DDX46: variants seen among roughly 807,000 people sequenced by gnomAD.
DDX46 encodes the protein DEAD-box helicase 46.
DDX46 carries 30 observed loss-of-function variants against 134.9 expected under a neutral mutation model. The observed-to-expected ratio is 0.22, with a 90% CI of 0.17 to 0.30. DDX46 has a LOEUF of 0.30. Ranked by LOEUF, DDX46 falls within the 10% of genes least tolerant of loss-of-function variation. DDX46 has a pLI of 1.00. For missense variants in DDX46, 622 were observed against 1,248.7 expected (o/e 0.50, Z 7.56); for synonymous variants, 415 against 404.1 (o/e 1.03, Z -0.32).
In DDX46 at chr5:134,788,518, T is replaced by G. The variant is rs1754409705; in HGVS notation, c.1470T>G (p.Ala490=). Residue 490 remains alanine, a synonymous_variant, in exon 12 of 23, where the codon GCT becomes GCG. Transcript: ENST00000452510. ...AGTTTCATCTTTTTTATTAGATTGCTGAGCTGAAAAGAGGTGCTGAAATTA... is the reference window on the plus strand; with the variant it reads ...AGTTTCATCTTTTTTATTAGATTGCGGAGCTGAAAAGAGGTGCTGAAATTA... ...YGGTGISEQI[A]ELKRGAEIIV... 1 of 1,613,466 alleles carries G rather than the reference T, an allele frequency of 6.2e-7. No homozygotes were observed. Among genetic ancestry groups the G allele is most frequent in the African/African-American group, 1.3e-5 (1 of 75,034 alleles).
At chr5:134,777,912 A>G (rs1753997595) in intron 6 of DDX46, 187 bp downstream of exon 6, 1 of 577,184 alleles carries the variant, frequency 1.7e-6, no homozygotes, top group Admixed American at 3.9e-5. Context: ...GTGTTCTTTC[A>G]AAAGTCACTC....
chr5:134,782,304 G>A (rs1313099369), intron 8 of DDX46, among the ~76,000 whole-genome samples: 2 of 152,018 alleles, frequency 1.3e-5, no homozygotes, highest in Admixed American at 6.6e-5. Flanking sequence ...TCAGAAGTTC[G>A]AGACCAGCCT....
intron 22 of DDX46, among the ~76,000 whole-genome samples, chr5:134,828,333 T>C (rs1755644537): frequency 6.6e-6 from 1 of 152,196 alleles, no homozygotes; most frequent in Non-Finnish European, 1.5e-5. Flanking sequence ...TGTTAAATCA[T>C]GTGCTTAATA....
intron 6 of DDX46, among the ~76,000 whole-genome samples, chr5:134,780,564 C>CAATAAATAAATAAATAAATAAATA (rs10655595): frequency 7.0e-6 from 1 of 142,308 alleles, no homozygotes; most frequent in Non-Finnish European, 1.5e-5. Flanking sequence ...AACTTTATCT[C>CAATAAATAAATAAATAAATAAATA]AATAAATAAA....
intron 4 of DDX46, among the ~76,000 whole-genome samples, chr5:134,771,450 T>C (rs1408887510): frequency 1.5e-5 from 2 of 135,162 alleles, no homozygotes; most frequent in African/African-American, 5.5e-5. Flanking sequence ...CCCAGCACTT[T>C]GGGAGGCCGA....
intron 2 of DDX46, among the ~76,000 whole-genome samples, chr5:134,765,497 G>A (rs1258610930): frequency 1.3e-5 from 2 of 151,876 alleles, no homozygotes; most frequent in Admixed American, 6.6e-5. Context: ...AGGTTGTAGT[G>A]AGCCGACATG....
intron 17 of DDX46, 141 bp from the exon 18 acceptor site, chr5:134,811,555 A>T: frequency 8.9e-7 from 1 of 1,128,398 alleles, no homozygotes; most frequent in South Asian, 1.7e-5. Context: ...GTCTATGTAG[A>T]GCTCTTAGTT....
chr5:134,830,814 T>C lies in DDX46; in HGVS notation c.*2108T>C, dbSNP rs527640613. On this transcript the variant is annotated 3_prime_UTR_variant, in exon 23 of 23. Coordinates refer to ENST00000452510, the MANE Select transcript of DDX46 (RefSeq NM_001300860.2). ...TTTGCTCATCTTTATCACCTAATGGTAGTTTGTTTTCTTTGGTAGAGTATA... is the reference window on the plus strand; with the variant it reads ...TTTGCTCATCTTTATCACCTAATGGCAGTTTGTTTTCTTTGGTAGAGTATA... The C allele has an allele frequency of 2.7e-4, 41 of 152,706 alleles. No homozygotes were observed. Among genetic ancestry groups the C allele is most frequent in the African/African-American group, 9.6e-4 (40 of 41,562 alleles). The allele number at this position is 152,706 out of a possible 1,614,324, so 9.5% of individuals were successfully genotyped here.
chr5:134,799,610 TGC>T, intron 15 of DDX46, among the ~76,000 whole-genome samples: 1 of 151,986 alleles, frequency 6.6e-6, no homozygotes, highest in Non-Finnish European at 1.5e-5. Flanking sequence ...TGGTGGCAGG[TGC>T]CTGTAATCCC....
At chr5:134,783,943 C>G (rs1226024393) in intron 9 of DDX46, among the ~76,000 whole-genome samples, 1 of 151,558 alleles carries the variant, frequency 6.6e-6, no homozygotes, top group Non-Finnish European at 1.5e-5. Context: ...TCTCAGCCTC[C>G]CAGAATGCTG....
At position 134,816,753 on chromosome 5, in the gene DDX46, T is replaced by C. The variant is rs114449706; in HGVS notation, c.2613+147T>C. 1.0e-3 allele frequency: 819 copies of C among 795,214 alleles called. 5 individuals are homozygous for C. In the African/African-American group the frequency reaches 0.012, roughly 12 times the overall value. 49.3% of individuals were successfully genotyped at this position (795,214 alleles called of 1,614,324 possible). The stretch of plus-strand genomic sequence containing the variant: ...ACATTCTCAATACAGAATTTTTTGA[T>C]AATTGCATTTGGATGATTTCTCAGT... On this transcript the variant is annotated intron_variant, in intron 19 of 22. Transcript: ENST00000452510.
At chr5:134,781,860 C>A in intron 7 of DDX46, 61 bp from the exon 8 acceptor site, 1 of 1,475,998 alleles carries the variant, frequency 6.8e-7, no homozygotes, top group Non-Finnish European at 9.2e-7. Context: ...AGGAGTATTG[C>A]TTCCCACAAG....
At chr5:134,770,057 T>A (rs114870173) in intron 3 of DDX46, among the ~76,000 whole-genome samples, 1 of 152,138 alleles carries the variant, frequency 6.6e-6, no homozygotes, top group East Asian at 1.9e-4. Context: ...AGTGTACTTA[T>A]GTATTTTTTG....
chr5:134,827,977 G>C (rs556921548), intron 22 of DDX46, among the ~76,000 whole-genome samples: 29 of 152,332 alleles, frequency 1.9e-4, no homozygotes, highest in Admixed American at 6.5e-4. Flanking sequence ...ATCCAGAAGT[G>C]TAGAAAATTC....
At chr5:134,809,138 C>G (rs1035036472) in intron 16 of DDX46, among the ~76,000 whole-genome samples, 4 of 152,156 alleles carry the variant, frequency 2.6e-5, no homozygotes, top group Non-Finnish European at 5.9e-5. Context: ...ATTTATTCTT[C>G]TAACCTGTTG....
At chr5:134,803,182 C>T (rs963148152) in intron 15 of DDX46, among the ~76,000 whole-genome samples, 3 of 151,968 alleles carry the variant, frequency 2.0e-5, no homozygotes, top group African/African-American at 7.2e-5. Flanking sequence ...TTAGTAGAGA[C>T]GGGGTTTCAC....
chr5:134,827,893 C>T (rs1397531458), intron 22 of DDX46, among the ~76,000 whole-genome samples: 2 of 152,074 alleles, frequency 1.3e-5, no homozygotes, highest in Non-Finnish European at 2.9e-5. Context: ...GTATATACCT[C>T]GGAGTAGAAT....
At chr5:134,811,160 T>C (rs1022221727) in intron 16 of DDX46, 61 bp from the exon 17 acceptor site, 3 of 1,444,478 alleles carry the variant, frequency 2.1e-6, no homozygotes, top group Middle Eastern at 1.8e-4. Flanking sequence ...TTTTATCTTA[T>C]GATCTAAGTA....
intron 22 of DDX46, among the ~76,000 whole-genome samples, chr5:134,828,132 C>T (rs1755639156): frequency 6.6e-6 from 1 of 152,234 alleles, no homozygotes; most frequent in South Asian, 2.1e-4. Flanking sequence ...GTGCCAGTTG[C>T]AGCTTATAAA....
Sources: allele counts gnomAD v4.1 joint callset (sites outside exome capture counted in the v4.1 genomes callset), GRCh38; gene constraint gnomAD v4.1.1; transcripts MANE v1.5; gene names NCBI Gene and HGNC (gene_info 2026-07-23, HGNC 2026-07-21).